The following DAB1 variants were observed in gnomAD, a reference collection of about 807,000 sequenced individuals.
DAB1 encodes the protein DAB adaptor protein 1, also known as disabled homolog 1.
A neutral mutation model predicts 64.6 loss-of-function variants in DAB1; 15 were observed. The ratio of observed to expected loss-of-function variants is 0.23; its 90% CI spans 0.16 to 0.36. The LOEUF (loss-of-function observed/expected upper bound fraction) is 0.36. DAB1 is among the 10% of genes least tolerant of loss of function. The probability of loss-of-function intolerance (pLI) is 1.00; values close to 1 mark genes in which losing one functional copy is unlikely to be tolerated. For synonymous variants in DAB1, 235 were observed against 251.9 expected (o/e 0.93, Z 0.64); for missense variants, 596 against 706.7 (o/e 0.84, Z 1.78).
At chr1:57,743,164 C>A (rs1648084206) in intron 6 of DAB1, among the ~76,000 whole-genome samples, 1 of 152,172 alleles carries the variant, frequency 6.6e-6, no homozygotes. Context: ...CAAGCCATCG[C>A]ATCCCCTATG....
chr1:57,622,433 T>C (rs550140036), intron 7 of DAB1, among the ~76,000 whole-genome samples: 42 of 152,346 alleles, frequency 2.8e-4, no homozygotes, highest in African/African-American at 7.5e-4. Flanking sequence ...ATATTAAATG[T>C]TGATGATAGT....
At chr1:57,010,652 A>G in intron 14 of DAB1, 28 bp downstream of exon 14, 1 of 1,273,690 alleles carries the variant, frequency 7.9e-7, no homozygotes, top group African/African-American at 1.5e-5. Flanking sequence ...GCTTAAGGGT[A>G]AAGGAGATAA....
chr1:57,414,609 G>A (rs1345790998), intron 1 of DAB1, among the ~76,000 whole-genome samples: 2 of 152,100 alleles, frequency 1.3e-5, no homozygotes, highest in East Asian at 1.9e-4. Context: ...TCCCATGGAT[G>A]CCTGAATTTA....
chr1:57,071,491 C>G, intron 6 of DAB1, 31 bp downstream of exon 6: 4 of 1,595,598 alleles, frequency 2.5e-6, no homozygotes, highest in Non-Finnish European at 3.4e-6. Context: ...AAGGCCCGAT[C>G]TCCAGCGCAA....
At chr1:57,822,765 G>A (rs545785988), downstream of DAB1, among the ~76,000 whole-genome samples, 98 of 152,064 alleles carry the variant, frequency 6.4e-4, no homozygotes, top group African/African-American at 2.2e-3. Context: ...AAAGAAAAAG[G>A]TAAAATTAAT....
chr1:57,730,137 AG>A (rs142696557), intron 6 of DAB1, among the ~76,000 whole-genome samples: 4 of 152,352 alleles, frequency 2.6e-5, no homozygotes, highest in Admixed American at 6.5e-5. Context: ...GGTGTAAGTC[AG>A]TGCTCTGAGT....
chr1:57,866,816 T>C (rs944133762), intron 1 of DAB1, among the ~76,000 whole-genome samples: 1 of 152,144 alleles, frequency 6.6e-6, no homozygotes, highest in Non-Finnish European at 1.5e-5. Flanking sequence ...CTTCCTTCTT[T>C]CCCTTGAATG....
intron 4 of DAB1, among the ~76,000 whole-genome samples, chr1:58,171,828 A>G (rs1000085481): frequency 3.3e-5 from 5 of 152,212 alleles, no homozygotes; most frequent in Non-Finnish European, 2.9e-5. Context: ...GCTACTCTAG[A>G]TATCTTGAAC....
intron 1 of DAB1, among the ~76,000 whole-genome samples, chr1:57,845,547 G>A (rs2101920950): frequency 6.6e-6 from 1 of 152,284 alleles, no homozygotes; most frequent in East Asian, 1.9e-4. Flanking sequence ...TGTTCAGCTT[G>A]GGCAAGTGAC....
At chr1:57,246,726 G>A (rs1279652417) in intron 2 of DAB1, among the ~76,000 whole-genome samples, 2 of 152,196 alleles carry the variant, frequency 1.3e-5, no homozygotes, top group Non-Finnish European at 2.9e-5. Flanking sequence ...GCAACCTCGG[G>A]GGCTATATCC....
intron 5 of DAB1, among the ~76,000 whole-genome samples, chr1:57,940,047 A>G (rs1346502438): frequency 6.6e-6 from 1 of 152,250 alleles, no homozygotes; most frequent in East Asian, 1.9e-4. Context: ...TACAGCAGTA[A>G]TGATAAGCAC....
rs1172312221 is a variant in DAB1, at chr1:58,056,427, C to T, written n.387+94084G>A. 2.6e-6 allele frequency: 4 copies of T among 1,553,432 alleles called. No individual in the cohort carries two copies. In the East Asian group the frequency reaches 6.7e-5, roughly 26 times the overall value. ...CACAGTTAGTGCAGCGAATAGGCTG[C>T]ACGTGGCCGCGGCCCTTTTTGGCAC... On this transcript the variant is annotated intron_variant and non_coding_transcript_variant, in intron 5 of 20. Coordinates refer to the DAB1 transcript ENST00000485760.
At chr1:57,534,961 T>A (rs370614155) in intron 7 of DAB1, among the ~76,000 whole-genome samples, 4 of 152,310 alleles carry the variant, frequency 2.6e-5, no homozygotes, top group African/African-American at 9.6e-5. Context: ...TAATCCCAGA[T>A]GCTGCCACAG....
chr1:57,361,952 G>A (rs115419544), intron 1 of DAB1, among the ~76,000 whole-genome samples: 10 of 152,186 alleles, frequency 6.6e-5, no homozygotes, highest in Non-Finnish European at 1.5e-4. Flanking sequence ...TAGTATTGAA[G>A]AATTAATAAC....
In DAB1 at chr1:58,426,172, G is replaced by C. The variant is rs189577503; in HGVS notation, n.257+79888C>G. Among the ~76,000 whole-genome samples, 215 of 152,296 alleles carry C rather than the reference G, an allele frequency of 1.4e-3. 1 individual carries two copies. The highest frequency in any genetic ancestry group is 9.8e-3 in the East Asian group (51 of 5,180). On this transcript the variant is annotated intron_variant and non_coding_transcript_variant, in intron 3 of 20. Transcript: ENST00000485760. ...AGTGATAAAACTGAGGCCTAGAAAA[G>C]TTAAGTGGCATACCTAGGGCCCCAT...
chr1:57,762,727 G>A lies in DAB1; in HGVS notation n.552-113062C>T, dbSNP rs571899597. Among the ~76,000 whole-genome samples the A allele has an allele frequency of 3.9e-5, 6 of 152,262 alleles. No individual in the cohort carries two copies. In the South Asian group the frequency reaches 1.2e-3, roughly 32 times the overall value. ...AGAATTTGGGACTTCTGTTCTCAGA[G>A]TACAAATTTCTACTCAGCCTACAAA... On this transcript the variant is annotated intron_variant and non_coding_transcript_variant, in intron 6 of 20. Transcript: ENST00000485760.
At chr1:57,822,472 G>C (rs1372065610), downstream of DAB1, among the ~76,000 whole-genome samples, 1 of 152,130 alleles carries the variant, frequency 6.6e-6, no homozygotes, top group Non-Finnish European at 1.5e-5. Flanking sequence ...TCTTTACTCA[G>C]AACTTATTTC....
chr1:58,386,248 C>A (rs1172982195), intron 3 of DAB1, among the ~76,000 whole-genome samples: 4 of 152,170 alleles, frequency 2.6e-5, no homozygotes, highest in African/African-American at 9.6e-5. Context: ...CCCTCAGGAA[C>A]CTCTCAGTTT....
intron 5 of DAB1, 117 bp downstream of exon 5, chr1:57,072,166 A>G: frequency 8.7e-7 from 1 of 1,154,214 alleles, no homozygotes; most frequent in Non-Finnish European, 1.2e-6. Flanking sequence ...CATCAACTTC[A>G]GTGGAAATAC....
Sources: allele counts gnomAD v4.1 joint callset (sites outside exome capture counted in the v4.1 genomes callset), GRCh38; gene constraint gnomAD v4.1.1; transcripts MANE v1.5; gene names NCBI Gene and HGNC (gene_info 2026-07-23, HGNC 2026-07-21).